The following ROBO2 variants were observed in gnomAD, a reference collection of about 807,000 sequenced individuals.
ROBO2 encodes the protein roundabout guidance receptor 2.
A neutral mutation model predicts 160.8 loss-of-function variants in ROBO2; 53 were observed. The ratio of observed to expected loss-of-function variants is 0.33; its 90% CI spans 0.26 to 0.41. ROBO2 has a LOEUF of 0.41. Ranked by LOEUF, ROBO2 falls within the 10% of genes least tolerant of loss-of-function variation. The pLI is 1.00. For synonymous variants in ROBO2, 664 were observed against 611.7 expected (o/e 1.09, Z -1.26); for missense variants, 1,577 against 1,722.4 (o/e 0.92, Z 1.49).
intron 2 of ROBO2, among the ~76,000 whole-genome samples, chr3:76,467,514 A>G (rs1217726597): frequency 1.3e-5 from 2 of 152,138 alleles, no homozygotes; most frequent in African/African-American, 4.8e-5. Context: ...TCAAGTCGGA[A>G]CCATGTGACT....
At position 76,311,545 on chromosome 3, in the gene ROBO2, G is replaced by A. The variant is rs898471617; in HGVS notation, c.109+373943G>A. 3.9e-5 allele frequency: 6 copies of A among 152,298 alleles called. 1 individual carries two copies. Among genetic ancestry groups the A allele is most frequent in the African/African-American group, 1.2e-4 (5 of 41,572 alleles). 9.4% of individuals were successfully genotyped at this position (152,298 alleles called of 1,614,324 possible). A position where few individuals can be genotyped will look rare whatever the true frequency, so the allele number is the denominator to read the frequency against. ...AATCAGGTTTTTATTTCAGGAAAGG[G>A]GGTCTGCGTTGCAGATAGCTAGAAA... On this transcript the variant is annotated intron_variant, in intron 2 of 26. Coordinates refer to the ROBO2 transcript ENST00000487694.
At chr3:76,005,750 CT>C (rs903997586) in intron 2 of ROBO2, among the ~76,000 whole-genome samples, 1 of 152,104 alleles carries the variant, frequency 6.6e-6, no homozygotes, top group Non-Finnish European at 1.5e-5. Flanking sequence ...AGATTCCTTA[CT>C]TTGAATGTTG....
intron 2 of ROBO2, among the ~76,000 whole-genome samples, chr3:76,826,995 G>A (rs5745845): frequency 0.12 from 18,701 of 152,092 alleles, 1,268 homozygotes; most frequent in East Asian, 0.23. Context: ...TTTGTGTGTT[G>A]GGACCTTTGG....
chr3:76,381,956 G>A (rs758431795), intron 2 of ROBO2, among the ~76,000 whole-genome samples: 2 of 152,012 alleles, frequency 1.3e-5, no homozygotes, highest in East Asian at 1.9e-4. Flanking sequence ...AGACTTTGTC[G>A]TTGTTGTTTT....
At chr3:77,208,050 G>A (rs369803347) in intron 2 of ROBO2, among the ~76,000 whole-genome samples, 26 of 152,290 alleles carry the variant, frequency 1.7e-4, no homozygotes, top group African/African-American at 6.0e-4. Flanking sequence ...CCTGTAAAGA[G>A]TAAGATGTGC....
chr3:76,407,491 A>T (rs1195432139), intron 2 of ROBO2, among the ~76,000 whole-genome samples: 1 of 151,956 alleles, frequency 6.6e-6, no homozygotes, highest in African/African-American at 2.4e-5. Context: ...AAGCAGAGTT[A>T]ATACTGGAAA....
At chr3:76,236,065 G>A (rs976336038) in intron 2 of ROBO2, among the ~76,000 whole-genome samples, 1 of 152,066 alleles carries the variant, frequency 6.6e-6, no homozygotes, top group Non-Finnish European at 1.5e-5. Flanking sequence ...TTAATCACCA[G>A]CTCAGATAAT....
intron 2 of ROBO2, among the ~76,000 whole-genome samples, chr3:76,399,676 G>C (rs1448661654): frequency 6.6e-6 from 1 of 151,752 alleles, no homozygotes; most frequent in Non-Finnish European, 1.5e-5. Flanking sequence ...ATAACATTAA[G>C]CATCAGGAAG....
intron 2 of ROBO2, among the ~76,000 whole-genome samples, chr3:76,859,739 C>A (rs193142225): frequency 1.8e-4 from 27 of 152,294 alleles, no homozygotes; most frequent in African/African-American, 5.1e-4. Context: ...TGGTGGTGGC[C>A]ACACATCTTC....
At chr3:77,378,771 T>G (rs1309062067) in intron 2 of ROBO2, among the ~76,000 whole-genome samples, 1 of 152,186 alleles carries the variant, frequency 6.6e-6, no homozygotes, top group Non-Finnish European at 1.5e-5. Flanking sequence ...TGTTTTATGA[T>G]TCCATGCTAT....
At chr3:76,945,109 G>C (rs903860593) in intron 2 of ROBO2, among the ~76,000 whole-genome samples, 20 of 151,906 alleles carry the variant, frequency 1.3e-4, no homozygotes, top group African/African-American at 4.4e-4. Flanking sequence ...AGGATGGTCT[G>C]GATCTCCTGA....
At chr3:76,533,224 A>G (rs1344341413) in intron 2 of ROBO2, among the ~76,000 whole-genome samples, 1 of 152,228 alleles carries the variant, frequency 6.6e-6, no homozygotes, top group African/African-American at 2.4e-5. Context: ...CCAGCATGTT[A>G]GGATGTGAGG....
In ROBO2 at chr3:77,422,736, C is replaced by T. The variant is rs529476394; in HGVS notation, c.389-54678C>T. ...GCATGCAACATTGCCTGGACACTCACAGTGATTTGCACCTATTTTTTATGG... is the reference window on the plus strand; with the variant it reads ...GCATGCAACATTGCCTGGACACTCATAGTGATTTGCACCTATTTTTTATGG... On this transcript the variant is annotated intron_variant, in intron 2 of 25. Coordinates refer to ENST00000461745, the Ensembl canonical transcript of ROBO2. 4.6e-5 allele frequency among the ~76,000 whole-genome samples: 7 copies of T among 152,172 alleles called. No individual in the cohort carries two copies. The South Asian group carries it at 1.4e-3, about 32-fold the overall frequency.
chr3:76,788,782 G>T (rs1344888548), intron 2 of ROBO2, among the ~76,000 whole-genome samples: 1 of 151,448 alleles, frequency 6.6e-6, no homozygotes, highest in East Asian at 1.9e-4. Context: ...TATTTCAGTA[G>T]TCGGGCCTTT....
intron 2 of ROBO2, among the ~76,000 whole-genome samples, chr3:76,548,199 G>T (rs1042815132): frequency 1.3e-5 from 2 of 152,138 alleles, no homozygotes; most frequent in African/African-American, 4.8e-5. Context: ...GTGGTTAAAA[G>T]GAGAGTGCTT....
rs1212003100 is a variant in ROBO2 at position 77,355,187 on chromosome 3, C to T, written c.389-122227C>T. Among the ~76,000 whole-genome samples the T allele has an allele frequency of 4.7e-4, 71 of 152,162 alleles. 3 individuals carry two copies. Among genetic ancestry groups the T allele is most frequent in the Non-Finnish European group, 8.8e-5 (6 of 68,024 alleles). On this transcript the variant is annotated intron_variant, in intron 2 of 25. Coordinates refer to ENST00000461745, the Ensembl canonical transcript of ROBO2. Reference sequence around the variant, plus strand: ...TCAACCCTTCCTCCCATCCCCTTACCCCAGGAGCTCTATCACATACCTTTA... The same window carrying T: ...TCAACCCTTCCTCCCATCCCCTTACTCCAGGAGCTCTATCACATACCTTTA...
At chr3:77,545,753 T>A (rs1450591789) in intron 6 of ROBO2, among the ~76,000 whole-genome samples, 1 of 152,122 alleles carries the variant, frequency 6.6e-6, no homozygotes, top group African/African-American at 2.4e-5. Context: ...TTCAATACAT[T>A]TATTTATATT....
At chr3:76,397,673 C>G (rs2077544435) in intron 2 of ROBO2, among the ~76,000 whole-genome samples, 1 of 152,134 alleles carries the variant, frequency 6.6e-6, no homozygotes. Context: ...AGGACATGAA[C>G]AGACACTTCT....
At chr3:77,642,724 G>A (rs1312504232) in intron 24 of ROBO2, 2 of 456,574 alleles carry the variant, frequency 4.4e-6, no homozygotes, top group East Asian at 6.9e-5. Context: ...GCAGCAAATA[G>A]GCCCGAGCCA....
Sources: gnomAD v4.1 joint callset for allele counts (sites outside exome capture counted in the v4.1 genomes callset) on GRCh38, gnomAD v4.1.1 for gene constraint, MANE v1.5 for transcripts, NCBI Gene and HGNC (gene_info 2026-07-23, HGNC 2026-07-21) for gene names.